Variants in ITIH5 observed in about 807,000 individuals in gnomAD.
ITIH5 encodes inter-alpha-trypsin inhibitor heavy chain 5, also known as inter-alpha-trypsin inhibitor heavy chain H5.
In ITIH5, 65 loss-of-function variants were observed where a neutral mutation model predicts 77.5. That is an observed-to-expected ratio of 0.84 (90% CI 0.69 to 1.03). The LOEUF (loss-of-function observed/expected upper bound fraction) is 1.03. Among genes scored for constraint, ITIH5 ranks in the 50% least tolerant of loss-of-function variants. The probability of loss-of-function intolerance (pLI) is 0.00; values close to 1 mark genes in which losing one functional copy is unlikely to be tolerated. For missense variants in ITIH5, 1,208 were observed against 1,213.1 expected, an observed-to-expected ratio of 1.00 and a Z score of 0.06; for synonymous variants, 525 against 494.3, an observed-to-expected ratio of 1.06 and a Z score of -0.82.
At chr10:7,622,750 T>C (rs145839054) in intron 5 of ITIH5, among the ~76,000 whole-genome samples, 2 of 152,330 alleles carry the variant, frequency 1.3e-5, no homozygotes, top group East Asian at 3.9e-4. Flanking sequence ...TATAATGAAG[T>C]CAGTAGCTGT....
intron 7 of ITIH5, 113 bp from the exon 8 acceptor site, chr10:7,586,182 G>A (rs1274906496): frequency 2.1e-6 from 2 of 939,496 alleles, no homozygotes; most frequent in East Asian, 2.6e-5. Flanking sequence ...CAAATTCAGT[G>A]TCAGCTATGT....
Position 7,563,168 on chromosome 10 carries a change from A to G in ITIH5, c.2744T>C (p.Ile915Thr). The G allele has an allele frequency of 6.2e-7, 1 of 1,614,172 alleles. No individual in the cohort carries two copies. The highest frequency in any genetic ancestry group is 8.5e-7 in the Non-Finnish European group (1 of 1,180,020). The change falls in exon 14 of 14, where the codon ATT becomes ACT. Residue 915 changes from isoleucine (I) to threonine (T), a missense_variant. Physicochemically the swap from Ile to Thr is moderately conservative, Grantham distance 89. Transcript: ENST00000397146. ...WFARNNAAKL[I>T]DGEYKDYLAS... Reference sequence around the variant, plus strand: ...CAGGTAATCCTTGTACTCCCCGTCAATCAGTTTGGCGGCATTGTTCCTGGC... The same window carrying G: ...CAGGTAATCCTTGTACTCCCCGTCAGTCAGTTTGGCGGCATTGTTCCTGGC...
At chr10:7,572,664 G>A (rs1304265411) in intron 11 of ITIH5, 1 of 288,124 alleles carries the variant, frequency 3.5e-6, no homozygotes, top group Non-Finnish European at 6.6e-6. Context: ...TTATGGGATG[G>A]TTTCATAACA....
chr10:7,582,089 C>A (rs182841173), intron 8 of ITIH5, among the ~76,000 whole-genome samples: 454 of 151,988 alleles, frequency 3.0e-3, no homozygotes, highest in Non-Finnish European at 4.1e-3. Flanking sequence ...GTTGGCCAGG[C>A]TGGTCTTGAT....
chr10:7,581,935 G>A (rs1468588759), intron 8 of ITIH5, among the ~76,000 whole-genome samples: 2 of 146,918 alleles, frequency 1.4e-5, no homozygotes, highest in African/African-American at 2.5e-5. Context: ...GAATGCAGTG[G>A]CGTGATCTTG....
intron 2 of ITIH5, among the ~76,000 whole-genome samples, chr10:7,649,520 G>T (rs59521173): frequency 3.4e-5 from 4 of 117,338 alleles, no homozygotes; most frequent in African/African-American, 1.3e-4. Flanking sequence ...ATAGATAGAT[G>T]GATAGATAGA....
chr10:7,631,075 G>A (rs180840411), intron 5 of ITIH5, among the ~76,000 whole-genome samples: 8 of 152,054 alleles, frequency 5.3e-5, no homozygotes, highest in Admixed American at 2.0e-4. Flanking sequence ...ACAAAGTGGC[G>A]GGAACTACAG....
In ITIH5 at chr10:7,580,752, C is replaced by T. The variant is rs929468279; in HGVS notation, c.1109-688G>A. 3.3e-5 allele frequency among the ~76,000 whole-genome samples: 5 copies of T among 152,322 alleles called. No individual in the cohort carries two copies. In the East Asian group the frequency reaches 9.6e-4, roughly 29 times the overall value. On this transcript the variant is annotated intron_variant, in intron 8 of 13. Coordinates refer to ENST00000397146, the MANE Select transcript of ITIH5 (RefSeq NM_030569.7). Reference sequence around the variant, plus strand: ...GGAACGAAGAGGAGGAGGGTAGCTGCTGACATCTCAGATGCCTTCCAGTGT... The same window carrying T: ...GGAACGAAGAGGAGGAGGGTAGCTGTTGACATCTCAGATGCCTTCCAGTGT...
chr10:7,617,970 TTC>T, intron 5 of ITIH5: 1 of 152,228 alleles, frequency 6.6e-6, no homozygotes, highest in East Asian at 1.9e-4. Context: ...CCTATGGGAT[TTC>T]TCTTTTTCTG....
At chr10:7,567,349 A>ATTATTT (rs1037814078) in intron 12 of ITIH5, among the ~76,000 whole-genome samples, 2 of 148,430 alleles carry the variant, frequency 1.3e-5, no homozygotes, top group South Asian at 4.3e-4. Flanking sequence ...TATTATTATT[A>ATTATTT]TTATTATACT....
chr10:7,613,337 C>T (rs1833293046), intron 7 of ITIH5, among the ~76,000 whole-genome samples: 2 of 152,016 alleles, frequency 1.3e-5, no homozygotes, highest in Admixed American at 1.3e-4. Flanking sequence ...GCTATGTGGC[C>T]TCTAAAACAT....
At chr10:7,582,761 C>T (rs535786851) in intron 8 of ITIH5, among the ~76,000 whole-genome samples, 3 of 152,174 alleles carry the variant, frequency 2.0e-5, no homozygotes, top group African/African-American at 7.2e-5. Context: ...CCCATGTTCT[C>T]GCTTATTTGT....
At chr10:7,641,703 AGGG>A in intron 3 of ITIH5, among the ~76,000 whole-genome samples, 1 of 89,528 alleles carries the variant, frequency 1.1e-5, no homozygotes, top group South Asian at 5.0e-4. Flanking sequence ...GGAGGGAGGG[AGGG>A]AGAGAGGGAG....
At chr10:7,591,550 G>T (rs11255221) in intron 7 of ITIH5, among the ~76,000 whole-genome samples, 44,015 of 151,940 alleles carry the variant, frequency 0.29, 6,797 homozygotes, top group East Asian at 0.54. Flanking sequence ...ACGCTGTGCC[G>T]CCATGACTTC....
intron 2 of ITIH5, among the ~76,000 whole-genome samples, chr10:7,645,864 G>C (rs1393456760): frequency 1.3e-5 from 2 of 152,142 alleles, no homozygotes; most frequent in Non-Finnish European, 2.9e-5. Flanking sequence ...ATGAGGATTA[G>C]GCTGGGGATG....
At chr10:7,666,705 G>T in intron 1 of ITIH5, 98 bp downstream of exon 1, 2 of 909,172 alleles carry the variant, frequency 2.2e-6, no homozygotes, top group Non-Finnish European at 1.7e-6. Flanking sequence ...GGGCCTGGGA[G>T]ACGGTCGAAG....
intron 7 of ITIH5, chr10:7,609,568 C>T (rs923543686): frequency 2.3e-5 from 10 of 429,100 alleles, no homozygotes; most frequent in Admixed American, 2.0e-4. Flanking sequence ...CGTTAATTCA[C>T]GTTTGCCCTC....
intron 7 of ITIH5, among the ~76,000 whole-genome samples, chr10:7,606,669 C>A (rs529583286): frequency 2.6e-5 from 4 of 152,214 alleles, no homozygotes; most frequent in Middle Eastern, 3.4e-3. Context: ...ATCTGTACAC[C>A]AAACCCCCTC....
Position 7,619,490 on chromosome 10 carries a change from T to C in ITIH5, c.653-2208A>G, listed in dbSNP as rs1970183. ...CACAGTCAGCAGTCATGCTAGCTTATATCATTACTGTATCAGTCCATTTTC... is the reference window on the plus strand; with the variant it reads ...CACAGTCAGCAGTCATGCTAGCTTACATCATTACTGTATCAGTCCATTTTC... On this transcript the variant is annotated intron_variant, in intron 5 of 13. Transcript: ENST00000397146. 0.15 allele frequency: 29,001 copies of C among 197,036 alleles called. 2,363 individuals carry two copies. Among genetic ancestry groups the C allele is most frequent in the East Asian group, 0.26 (1,876 of 7,184 alleles). 12.2% of individuals were successfully genotyped at this position (197,036 alleles called of 1,614,324 possible). A position where few individuals can be genotyped will look rare whatever the true frequency, so the allele number is the denominator to read the frequency against.
Sources: allele counts gnomAD v4.1 joint callset (sites outside exome capture counted in the v4.1 genomes callset), GRCh38; gene constraint gnomAD v4.1.1; transcripts MANE v1.5; gene names NCBI Gene and HGNC (gene_info 2026-07-23, HGNC 2026-07-21).